The following ABCA13 variants were observed in gnomAD, a reference collection of about 807,000 sequenced individuals.
ABCA13 encodes ATP-binding cassette sub-family A member 13.
In ABCA13, 476 loss-of-function variants were observed where a neutral mutation model predicts 478.7. That is an observed-to-expected ratio of 0.99 (90% confidence interval 0.92 to 1.07). The LOEUF is 1.07. ABCA13 is among the 50% of genes least tolerant of loss of function. The pLI, the probability that ABCA13 is intolerant of heterozygous loss-of-function variation, is 0.00. For synonymous variants in ABCA13, 2,252 were observed against 2,158.9 expected, an observed-to-expected ratio of 1.04 and a Z score of -1.20; for missense variants, 6,060 against 5,910.6, an observed-to-expected ratio of 1.03 and a Z score of -0.83.
intron 15 of ABCA13, among the ~76,000 whole-genome samples, chr7:48,261,785 T>C (rs1794220854): frequency 6.6e-6 from 1 of 151,980 alleles, no homozygotes; most frequent in African/African-American, 2.4e-5. Flanking sequence ...TTTTGTGTGA[T>C]CTGTCTTTTA....
chr7:48,182,024 T>A (rs1267679438), intron 1 of ABCA13, among the ~76,000 whole-genome samples: 1 of 152,120 alleles, frequency 6.6e-6, no homozygotes, highest in African/African-American at 2.4e-5. Flanking sequence ...GCACTTGATG[T>A]CCTGTATACC....
intron 39 of ABCA13, among the ~76,000 whole-genome samples, chr7:48,406,699 C>T (rs963155974): frequency 1.3e-5 from 2 of 151,860 alleles, no homozygotes; most frequent in Non-Finnish European, 2.9e-5. Flanking sequence ...ATGATGAAAC[C>T]CTGTCTCTAC....
intron 59 of ABCA13, among the ~76,000 whole-genome samples, chr7:48,626,359 A>G (rs1793667849): frequency 6.6e-6 from 1 of 152,126 alleles, no homozygotes; most frequent in Non-Finnish European, 1.5e-5. Flanking sequence ...CTAATCAACT[A>G]TGAATGCATT....
At chr7:48,537,916 G>A (rs1833692284) in intron 55 of ABCA13, among the ~76,000 whole-genome samples, 1 of 151,964 alleles carries the variant, frequency 6.6e-6, no homozygotes, top group South Asian at 2.1e-4. Flanking sequence ...AGGAGAACAA[G>A]GAAGTTAAAC....
At chr7:48,438,536 C>T (rs996673230) in intron 42 of ABCA13, among the ~76,000 whole-genome samples, 30 of 150,768 alleles carry the variant, frequency 2.0e-4, no homozygotes, top group Non-Finnish European at 3.1e-4. Flanking sequence ...AGCTTTTTGA[C>T]GTTTGAGCAG....
rs577795625 is a variant in ABCA13 at position 48,510,059 on chromosome 7, C to A, written c.13525-1025C>A. 5.3e-5 allele frequency among the ~76,000 whole-genome samples: 8 copies of A among 152,292 alleles called. No individual in the cohort carries two copies. In the South Asian group the frequency reaches 1.5e-3, roughly 28 times the overall value. On this transcript the variant is annotated intron_variant, in intron 50 of 61. Coordinates refer to ENST00000435803, the MANE Select transcript of ABCA13 (RefSeq NM_152701.5). ...TCTGTGTTATTCTGTCATAGCCCCCCAAATGGTGTTGGGCATAAAGCCATG... is the reference window on the plus strand; with the variant it reads ...TCTGTGTTATTCTGTCATAGCCCCCAAAATGGTGTTGGGCATAAAGCCATG...
Position 48,466,951 on chromosome 7 carries a change from A to T in ABCA13, c.12816-5A>T. The T allele has an allele frequency of 6.2e-7, 1 of 1,613,902 alleles. No individual in the cohort carries two copies. On this transcript the variant is annotated splice_region_variant and splice_polypyrimidine_tract_variant and intron_variant, in intron 43 of 61. Coordinates refer to ENST00000435803, the MANE Select transcript of ABCA13 (RefSeq NM_152701.5). ...TTGTTTCCTTTGTCTCACAATGAAC[A>T]GCAGCAGTGGGGGCGACAACTTGGA...
At chr7:48,535,474 G>A (rs1833505046) in intron 55 of ABCA13, among the ~76,000 whole-genome samples, 1 of 152,240 alleles carries the variant, frequency 6.6e-6, no homozygotes, top group African/African-American at 2.4e-5. Flanking sequence ...TGCTGGTTTT[G>A]CATTGGTTGG....
intron 59 of ABCA13, among the ~76,000 whole-genome samples, chr7:48,635,161 A>G (rs886659394): frequency 1.3e-5 from 2 of 148,898 alleles, no homozygotes; most frequent in Non-Finnish European, 3.0e-5. Flanking sequence ...ATTGCCTTTC[A>G]CCACAGGTTC....
chr7:48,417,904 T>C (rs549720862), intron 41 of ABCA13, among the ~76,000 whole-genome samples: 18 of 152,348 alleles, frequency 1.2e-4, no homozygotes, highest in African/African-American at 4.1e-4. Flanking sequence ...TACCTTTTCC[T>C]GAATGTTGCA....
Position 48,275,225 on chromosome 7 carries a change from C to T in ABCA13, c.5559C>T (p.Gly1853=). 6.2e-7 allele frequency: 1 copy of T among 1,613,854 alleles called. No individual in the cohort carries two copies. The highest frequency in any genetic ancestry group is 8.5e-7 in the Non-Finnish European group (1 of 1,179,864). Reference sequence around the variant, plus strand: ...GGCTCATGTCTTCTTCCTTTTATGGCAAAGTGGCCAGTATACTTGATCATT... The same window carrying T: ...GGCTCATGTCTTCTTCCTTTTATGGTAAAGTGGCCAGTATACTTGATCATT... The part of the protein sequence containing the change: ...VHGLMSSSFY[G]KVASILDHFH... The change falls in exon 17 of 62, where the codon GGC becomes GGT. Residue 1853 remains glycine (G), a synonymous_variant. Coordinates refer to ENST00000435803, the MANE Select transcript of ABCA13 (RefSeq NM_152701.5).
At chr7:48,510,502 A>T (rs1831579029) in intron 50 of ABCA13, among the ~76,000 whole-genome samples, 1 of 152,166 alleles carries the variant, frequency 6.6e-6, no homozygotes, top group Non-Finnish European at 1.5e-5. Flanking sequence ...GTTTCATGAA[A>T]GCTGATTGGA....
chr7:48,348,372 G>A (rs1808431199), intron 29 of ABCA13, among the ~76,000 whole-genome samples: 1 of 151,920 alleles, frequency 6.6e-6, no homozygotes. Flanking sequence ...AACAGCCAAA[G>A]GTCCTTTTCT....
intron 19 of ABCA13, among the ~76,000 whole-genome samples, chr7:48,282,052 A>G (rs1383304555): frequency 2.6e-5 from 4 of 152,176 alleles, no homozygotes; most frequent in Non-Finnish European, 2.9e-5. Flanking sequence ...CTTACTGGGA[A>G]CAGGATCAGT....
chr7:48,474,148 A>T (rs573808610), intron 45 of ABCA13, among the ~76,000 whole-genome samples: 1 of 152,106 alleles, frequency 6.6e-6, no homozygotes, highest in African/African-American at 2.4e-5. Context: ...CTGAAGCTTC[A>T]CTGAAAATCA....
In ABCA13 at chr7:48,275,361, A is replaced by G. The variant is rs756465988; in HGVS notation, c.5695A>G (p.Ile1899Val). 51 of 1,613,842 alleles carry G rather than the reference A, an allele frequency of 3.2e-5. No homozygotes were observed. The highest frequency in any genetic ancestry group is 1.2e-4 in the Admixed American group (7 of 59,996). ...IIHELVDWNS[I>V]LLELSEVFHV... is the part of the protein sequence containing the mutation. ...TCATGAATTAGTGGACTGGAATTCTATTCTTCTGGAGCTCTCTGAAGTCTT... is the reference window on the plus strand; with the variant it reads ...TCATGAATTAGTGGACTGGAATTCTGTTCTTCTGGAGCTCTCTGAAGTCTT... Residue 1899 changes from isoleucine to valine, a missense_variant, in exon 17 of 62, where the codon ATT (isoleucine) becomes GTT (valine). Physicochemically the swap from Ile to Val is conservative, Grantham distance 29. Around this residue, in one of 3 missense-constraint regions of ABCA13, gnomAD observed 4,423 missense variants for 4,309.1 expected, o/e 1.03. Coordinates refer to ENST00000435803, the MANE Select transcript of ABCA13 (RefSeq NM_152701.5).
At chr7:48,622,638 G>A (rs916722131) in intron 59 of ABCA13, among the ~76,000 whole-genome samples, 3 of 151,548 alleles carry the variant, frequency 2.0e-5, no homozygotes, top group Admixed American at 1.3e-4. Context: ...TATCTCTTTT[G>A]TCTTCACCAT....
chr7:48,380,221 C>T (rs1585083339), intron 35 of ABCA13, among the ~76,000 whole-genome samples: 2 of 152,194 alleles, frequency 1.3e-5, no homozygotes, highest in Middle Eastern at 6.8e-3. Context: ...TAGTTACTAA[C>T]CCTTATTAAT....
chr7:48,178,651 G>A (rs1795213870), intron 1 of ABCA13, among the ~76,000 whole-genome samples: 1 of 151,008 alleles, frequency 6.6e-6, no homozygotes. Context: ...CTCCAGCCTG[G>A]GTGAAGAGCG....
Sources: gnomAD v4.1 joint callset for allele counts (sites outside exome capture counted in the v4.1 genomes callset) on GRCh38, gnomAD v4.1.1 for gene constraint, gnomAD v4.1.1 regional missense constraint, MANE v1.5 for transcripts, NCBI Gene and HGNC (gene_info 2026-07-23, HGNC 2026-07-21) for gene names.